The following CA11 variants were observed in gnomAD, a reference collection of about 807,000 sequenced individuals.
The protein encoded by CA11 is carbonic anhydrase-related protein 11.
Under a neutral mutation model 39.3 loss-of-function variants are expected in CA11, and 20 were observed. The observed-to-expected ratio is 0.51, with a 90% CI of 0.36 to 0.74. CA11 has a LOEUF of 0.74. Among genes scored for constraint, CA11 ranks in the 30% least tolerant of loss-of-function variants. The pLI is 0.00. For synonymous variants in CA11, 166 were observed against 172.5 expected (o/e 0.96, Z 0.29); for missense variants, 336 against 424.6 (o/e 0.79, Z 1.83).
At position 48,645,713 on chromosome 19, in the gene CA11, T is replaced by G; in HGVS notation, c.-81A>C. On this transcript the variant is annotated 5_prime_UTR_variant, in exon 1 of 9. Coordinates refer to ENST00000084798, the MANE Select transcript of CA11 (RefSeq NM_001217.5). ...CCTCTGTCCCCTCCTTCTGGGACCCTGTCCCTCCAGGACTTCCAGCTTTCC... is the reference window on the plus strand; with the variant it reads ...CCTCTGTCCCCTCCTTCTGGGACCCGGTCCCTCCAGGACTTCCAGCTTTCC... 1.7e-6 allele frequency: 2 copies of G among 1,194,158 alleles called. No homozygotes were observed. Among genetic ancestry groups the G allele is most frequent in the Non-Finnish European group, 2.3e-6 (2 of 883,372 alleles). 74.0% of individuals were successfully genotyped at this position (1,194,158 alleles called of 1,614,324 possible).
At chr19:48,641,997 T>C (rs2031102915) in intron 3 of CA11, among the ~76,000 whole-genome samples, 1 of 151,862 alleles carries the variant, frequency 6.6e-6, no homozygotes, top group Admixed American at 6.6e-5. Flanking sequence ...ACCTGAAGGA[T>C]AAGCAGGGGT....
chr19:48,638,426 G>T, intron 8 of CA11: 1 of 1,009,046 alleles, frequency 9.9e-7, no homozygotes, highest in Non-Finnish European at 1.2e-6. Context: ...GGGTGTGTGA[G>T]ATTCCTGGGC....
chr19:48,641,823 CTT>C (rs71179023), intron 3 of CA11, among the ~76,000 whole-genome samples: 5 of 92,294 alleles, frequency 5.4e-5, no homozygotes, highest in Admixed American at 2.3e-4. Context: ...TTTCAATTTT[CTT>C]TTTTTTTTTT....
In CA11 at chr19:48,645,711, C is replaced by A. The variant is rs1005780154; in HGVS notation, c.-79G>T. On this transcript the variant is annotated 5_prime_UTR_variant, in exon 1 of 9. Coordinates refer to ENST00000084798, the MANE Select transcript of CA11 (RefSeq NM_001217.5). Reference sequence around the variant, plus strand: ...CTCCTCTGTCCCCTCCTTCTGGGACCCTGTCCCTCCAGGACTTCCAGCTTT... The same window carrying A: ...CTCCTCTGTCCCCTCCTTCTGGGACACTGTCCCTCCAGGACTTCCAGCTTT... The A allele has an allele frequency of 5.8e-6, 7 of 1,200,330 alleles. No homozygotes were observed. In the African/African-American group the frequency reaches 7.8e-5, roughly 13 times the overall value. The allele number at this position is 1,200,330 out of a possible 1,614,324, so 74.4% of individuals were successfully genotyped here.
rs749589239 is a variant in CA11 at position 48,644,460 on chromosome 19, C to T, written c.252G>A (p.Leu84=). The T allele has an allele frequency of 6.2e-7, 1 of 1,610,068 alleles. No homozygotes were observed. Among genetic ancestry groups the T allele is most frequent in the Non-Finnish European group, 8.5e-7 (1 of 1,177,418 alleles). ...CTCCAGTGCTGAGCCTTAATGGGGGCAGAAAGGGGTCATAAAGAACCCTCT... is the reference window on the plus strand; with the variant it reads ...CTCCAGTGCTGAGCCTTAATGGGGGTAGAAAGGGGTCATAAAGAACCCTCT... ...ELKRVLYDPF[L]PPLRLSTGGE... The change falls in exon 3 of 9, where the codon CTG becomes CTA. Residue 84 remains leucine, a synonymous_variant. Transcript: ENST00000084798.
intron 3 of CA11, among the ~76,000 whole-genome samples, chr19:48,642,820 G>C (rs2031130637): frequency 6.6e-6 from 1 of 152,148 alleles, no homozygotes; most frequent in Non-Finnish European, 1.5e-5. Flanking sequence ...TAGCAGCAAG[G>C]CTAGAAAGAA....
chr19:48,644,374 T>C lies in CA11; in HGVS notation c.285+53A>G, dbSNP rs2031181018. ...CCTCAGCACCCCATTCCCCAGCCTC[T>C]ATTCATGCCCATCCCCAGTGGGTTC... On this transcript the variant is annotated intron_variant, in intron 3 of 8. Transcript: ENST00000084798. The C allele has an allele frequency of 7.5e-6, 11 of 1,471,460 alleles. No homozygotes were observed. In the South Asian group the frequency reaches 1.3e-4, roughly 17 times the overall value. 91.2% of individuals were successfully genotyped at this position (1,471,460 alleles called of 1,614,324 possible).
intron 8 of CA11, chr19:48,638,408 G>A: frequency 1.1e-6 from 1 of 947,084 alleles, no homozygotes; most frequent in Non-Finnish European, 1.3e-6. Context: ...ACCATGTTGC[G>A]AAGCCGGGGG....
intron 7 of CA11, 89 bp from the exon 8 acceptor site, chr19:48,639,142 G>C (rs2030973613): frequency 6.4e-7 from 1 of 1,562,566 alleles, no homozygotes; most frequent in South Asian, 1.2e-5. Context: ...GGGAGCAGGT[G>C]GGCGGGGTCT....
At chr19:48,638,383 G>GGA in intron 8 of CA11, 1 of 353,366 alleles carries the variant, frequency 2.8e-6, no homozygotes, top group Non-Finnish European at 3.9e-6. Context: ...ATGGGGGGGG[G>GGA]GGGGTGTGGA....
chr19:48,645,277 G>C (rs1377282797), intron 2 of CA11, 126 bp downstream of exon 2: 2 of 782,004 alleles, frequency 2.6e-6, no homozygotes, highest in South Asian at 3.3e-5. Context: ...CGACTCCTGA[G>C]GGACAGAGGA....
At chr19:48,641,067 A>G (rs537981774) in intron 3 of CA11, among the ~76,000 whole-genome samples, 6 of 138,916 alleles carry the variant, frequency 4.3e-5, no homozygotes, top group African/African-American at 1.1e-4. Context: ...GCAACCTCTG[A>G]CTCCTGGGTT....
In CA11 at chr19:48,644,476, A is replaced by G. The variant is rs1204010625; in HGVS notation, c.236T>C (p.Leu79Pro). Reference sequence around the variant, plus strand: ...TAATGGGGGCAGAAAGGGGTCATAAAGAACCCTCTTCAGCTCCACATCCAC... The same window carrying G: ...TAATGGGGGCAGAAAGGGGTCATAAGGAACCCTCTTCAGCTCCACATCCAC... ...SPVDVELKRV[L>P]YDPFLPPLRL... The change falls in exon 3 of 9, where the codon CTT becomes CCT. Residue 79 changes from leucine (L) to proline (P), a missense_variant. Physicochemically the swap from Leu to Pro is moderately conservative, Grantham distance 98 (BLOSUM62 -3). Coordinates refer to ENST00000084798, the MANE Select transcript of CA11 (RefSeq NM_001217.5). The G allele has an allele frequency of 6.2e-7, 1 of 1,611,476 alleles. No homozygotes were observed. Among genetic ancestry groups the G allele is most frequent in the Non-Finnish European group, 8.5e-7 (1 of 1,178,288 alleles).
rs763035727 is a variant in CA11 at position 48,643,222 on chromosome 19, C to A, written c.285+1205G>T. On this transcript the variant is annotated intron_variant, in intron 3 of 8. Coordinates refer to ENST00000084798, the MANE Select transcript of CA11 (RefSeq NM_001217.5). The surrounding 1 kb of genome is among the most constrained non-coding windows in gnomAD (Gnocchi z 4.3). ...TCTCCCTCTCTCTCTGTATTTATTT[C>A]TTTCTGAGATGGAGTCTTGTTCTGT... Among the ~76,000 whole-genome samples the A allele has an allele frequency of 4.3e-4, 65 of 151,248 alleles. No homozygotes were observed. The highest frequency in any genetic ancestry group is 3.7e-4 in the Non-Finnish European group (25 of 67,840).
intron 8 of CA11, chr19:48,638,462 G>T: frequency 2.5e-6 from 2 of 806,638 alleles, no homozygotes; most frequent in Non-Finnish European, 3.2e-6. Context: ...CAGAGGTGGA[G>T]GGAAGGGGTT....
chr19:48,639,227 G>T, intron 7 of CA11, 78 bp downstream of exon 7: 2 of 1,568,440 alleles, frequency 1.3e-6, no homozygotes, highest in Non-Finnish European at 1.7e-6. Flanking sequence ...GGAGAGGGAG[G>T]GCAGGTGAGC....
Position 48,638,281 on chromosome 19 carries a change from G to A in CA11, c.962-137C>T, listed in dbSNP as rs575560875. The A allele has an allele frequency of 1.2e-5, 14 of 1,196,400 alleles. No homozygotes were observed. In the African/African-American group the frequency reaches 1.9e-4, roughly 16 times the overall value. 74.1% of individuals were successfully genotyped at this position (1,196,400 alleles called of 1,614,324 possible). On this transcript the variant is annotated intron_variant, in intron 8 of 8. Coordinates refer to ENST00000084798, the MANE Select transcript of CA11 (RefSeq NM_001217.5). Reference sequence around the variant, plus strand: ...GCGGGGAACCAGAATGTACTAGGTCGAGAAGCACTGGGCTGAACCACAAGA... The same window carrying A: ...GCGGGGAACCAGAATGTACTAGGTCAAGAAGCACTGGGCTGAACCACAAGA...
Position 48,638,153 on chromosome 19 carries a change from C to G in CA11, c.962-9G>C, listed in dbSNP as rs113513614. On this transcript the variant is annotated splice_polypyrimidine_tract_variant and intron_variant, in intron 8 of 8. Transcript: ENST00000084798. ...ATGGGGGACACCATCCACTGTAAGA[C>G]AGAGAACAACGGCAGGGGGCGTCAG... 1.3e-5 allele frequency: 2 copies of G among 151,520 alleles called. No homozygotes were observed. The highest frequency in any genetic ancestry group is 1.2e-4 in the Admixed American group (1 of 8,558). 9.4% of individuals were successfully genotyped at this position (151,520 alleles called of 1,614,324 possible). A position where few individuals can be genotyped will look rare whatever the true frequency, so the allele number is the denominator to read the frequency against.
chr19:48,638,380 G>GGGA (rs2030924047), intron 8 of CA11: 1 of 355,898 alleles, frequency 2.8e-6, no homozygotes, highest in South Asian at 1.0e-4. Context: ...TTCATGGGGG[G>GGGA]GGGGGGGTGT....
Sources: gnomAD v4.1 joint callset for allele counts (sites outside exome capture counted in the v4.1 genomes callset) on GRCh38, gnomAD v4.1.1 for gene constraint, Gnocchi (gnomAD v3.1) non-coding constraint, MANE v1.5 for transcripts, NCBI Gene and HGNC (gene_info 2026-07-23, HGNC 2026-07-21) for gene names.